The following RNF217 variants were observed in gnomAD, a reference collection of about 807,000 sequenced individuals.
The protein encoded by RNF217 is ring finger protein 217, also known as E3 ubiquitin-protein ligase RNF217.
Under a neutral mutation model 57.8 loss-of-function variants are expected in RNF217, and 31 were observed. That is an observed-to-expected ratio of 0.54 (90% confidence interval 0.40 to 0.72). The LOEUF (loss-of-function observed/expected upper bound fraction) is 0.72, where lower values mean the gene tolerates loss of function less well. Among genes scored for constraint, RNF217 ranks in the 30% least tolerant of loss-of-function variants. The probability of loss-of-function intolerance (pLI) is 0.00; values close to 1 mark genes in which losing one functional copy is unlikely to be tolerated. For synonymous variants in RNF217, 313 were observed against 294.0 expected (o/e 1.06, Z -0.66); for missense variants, 696 against 708.3 (o/e 0.98, Z 0.20).
chr6:125,052,281 G>GTT (rs937413188), intron 2 of RNF217, among the ~76,000 whole-genome samples: 3 of 119,434 alleles, frequency 2.5e-5, no homozygotes, highest in East Asian at 4.1e-4. Flanking sequence ...CTTGTCATGC[G>GTT]TTTTGTGTGT....
chr6:125,012,382 A>G (rs940940645), intron 1 of RNF217, among the ~76,000 whole-genome samples: 20 of 152,180 alleles, frequency 1.3e-4, no homozygotes, highest in African/African-American at 4.8e-4. Context: ...CTTTAAAGGT[A>G]CTCCGTCATG....
chr6:124,970,420 A>G (rs1005946470), intron 1 of RNF217, among the ~76,000 whole-genome samples: 2 of 152,142 alleles, frequency 1.3e-5, no homozygotes, highest in Non-Finnish European at 2.9e-5. Flanking sequence ...GGGATGAGAG[A>G]AAAAGAGTCA....
intron 1 of RNF217, among the ~76,000 whole-genome samples, chr6:124,991,380 A>C (rs1273606608): frequency 6.6e-6 from 1 of 152,096 alleles, no homozygotes; most frequent in African/African-American, 2.4e-5. Context: ...CTCAAATATC[A>C]ATTTCTCCTA....
At chr6:124,973,571 T>C (rs899283302) in intron 1 of RNF217, among the ~76,000 whole-genome samples, 1 of 152,032 alleles carries the variant, frequency 6.6e-6, no homozygotes, top group Non-Finnish European at 1.5e-5. Flanking sequence ...AATTATAATA[T>C]GTTTGCTATA....
At chr6:124,994,222 C>T (rs1004627171) in intron 1 of RNF217, among the ~76,000 whole-genome samples, 1 of 151,980 alleles carries the variant, frequency 6.6e-6, no homozygotes, top group African/African-American at 2.4e-5. Flanking sequence ...TAGTCTAACC[C>T]CATGTGCCTG....
rs756176528 is a variant in RNF217 at position 125,057,923 on chromosome 6, T to A, written c.1117-19T>A. ...TCAGTATATCCACTAGTAATTAATA[T>A]GATTTTTTTCTTACACAGATCCAGT... On this transcript the variant is annotated intron_variant, in intron 2 of 5. Transcript: ENST00000521654. 53 of 1,580,132 alleles carry A rather than the reference T, an allele frequency of 3.4e-5. No homozygotes were observed. The highest frequency in any genetic ancestry group is 4.3e-5 in the Non-Finnish European group (50 of 1,161,350).
chr6:125,051,891 C>T (rs185236487), intron 2 of RNF217, among the ~76,000 whole-genome samples: 59 of 152,008 alleles, frequency 3.9e-4, no homozygotes, highest in African/African-American at 1.4e-3. Context: ...TTTCCAGTAC[C>T]CTTTGTGTTC....
intron 2 of RNF217, among the ~76,000 whole-genome samples, chr6:125,053,660 C>G (rs1390157764): frequency 6.6e-6 from 1 of 152,024 alleles, no homozygotes; most frequent in African/African-American, 2.4e-5. Flanking sequence ...GATGAATTAT[C>G]AGGAGAAAAT....
chr6:125,068,869 A>AATC (rs1263402271), intron 3 of RNF217, among the ~76,000 whole-genome samples: 3 of 152,104 alleles, frequency 2.0e-5, no homozygotes, highest in Non-Finnish European at 4.4e-5. Flanking sequence ...AGGTGAAGGT[A>AATC]ATCATTGGGT....
intron 2 of RNF217, among the ~76,000 whole-genome samples, chr6:125,053,611 C>G (rs770951296): frequency 6.6e-6 from 1 of 151,748 alleles, no homozygotes; most frequent in African/African-American, 2.4e-5. Context: ...TAGTTTTAGA[C>G]ACTGTTTTTA....
At position 125,087,652 on chromosome 6, in the gene RNF217, T is replaced by C. The variant is rs9491307; in HGVS notation, c.*4715T>C. On this transcript the variant is annotated 3_prime_UTR_variant, in exon 6 of 6. Transcript: ENST00000521654. ...GCAAATATGTGTCATCTCTTTAAATTTGGGAGGAATCAGAAGCTAAAGATT... is the reference window on the plus strand; with the variant it reads ...GCAAATATGTGTCATCTCTTTAAATCTGGGAGGAATCAGAAGCTAAAGATT... 326 of 152,198 alleles carry C rather than the reference T, an allele frequency of 2.1e-3. No individual in the cohort carries two copies. The highest frequency in any genetic ancestry group is 7.3e-3 in the African/African-American group (302 of 41,540). 9.4% of individuals were successfully genotyped at this position (152,198 alleles called of 1,614,324 possible).
At chr6:125,071,200 A>T (rs1788120393) in intron 3 of RNF217, among the ~76,000 whole-genome samples, 1 of 152,032 alleles carries the variant, frequency 6.6e-6, no homozygotes, top group South Asian at 2.1e-4. Flanking sequence ...TTTTCTTACG[A>T]TTTTTCAACT....
In RNF217 at chr6:125,046,748, A is replaced by G. The variant is rs1787113304; in HGVS notation, c.1116+1304A>G. ...TTGAGGGGACCATGGTTTAGCAGGTAGTTTCCTCTGCTGTTGCAGTTATAA... is the reference window on the plus strand; with the variant it reads ...TTGAGGGGACCATGGTTTAGCAGGTGGTTTCCTCTGCTGTTGCAGTTATAA... On this transcript the variant is annotated intron_variant, in intron 2 of 5. Coordinates refer to ENST00000521654, the MANE Select transcript of RNF217 (RefSeq NM_001286398.3). The G allele has an allele frequency of 6.6e-6, 3 of 451,416 alleles. No individual in the cohort carries two copies. In the East Asian group the frequency reaches 2.1e-4, roughly 31 times the overall value. The allele number at this position is 451,416 out of a possible 1,614,324, so 28.0% of individuals were successfully genotyped here.
intron 4 of RNF217, among the ~76,000 whole-genome samples, chr6:125,078,969 G>A (rs1281433042): frequency 6.6e-6 from 1 of 152,150 alleles, no homozygotes; most frequent in Non-Finnish European, 1.5e-5. Flanking sequence ...ATGGAGTATA[G>A]GAAAGCCCTC....
intron 1 of RNF217, among the ~76,000 whole-genome samples, chr6:124,983,076 A>T (rs551463105): frequency 6.6e-6 from 1 of 152,204 alleles, no homozygotes; most frequent in East Asian, 1.9e-4. Flanking sequence ...TTCTTCTTCA[A>T]CGCTCCCCCC....
At position 124,988,685 on chromosome 6, in the gene RNF217, C is replaced by T. The variant is rs542418720; in HGVS notation, c.882+25259C>T. 2.6e-5 allele frequency among the ~76,000 whole-genome samples: 4 copies of T among 152,306 alleles called. No individual in the cohort carries two copies. In the East Asian group the frequency reaches 7.7e-4, roughly 29 times the overall value. ...TTAGCAGATTCTACTTGAGATTGTA[C>T]TGAATTTGTGTTTTCTCAATTTGTT... On this transcript the variant is annotated intron_variant, in intron 1 of 5. Transcript: ENST00000521654.
At chr6:125,025,592 G>A (rs1424538761) in intron 1 of RNF217, among the ~76,000 whole-genome samples, 1 of 138,712 alleles carries the variant, frequency 7.2e-6, no homozygotes, top group Non-Finnish European at 1.6e-5. Flanking sequence ...GGGAGGGAGG[G>A]AGGGATATTT....
intron 1 of RNF217, among the ~76,000 whole-genome samples, chr6:125,030,744 C>T (rs909396024): frequency 6.6e-6 from 1 of 152,120 alleles, no homozygotes; most frequent in Non-Finnish European, 1.5e-5. Context: ...CATTGAGTGT[C>T]TGCGGCTTTT....
intron 1 of RNF217, among the ~76,000 whole-genome samples, chr6:125,038,447 A>T (rs1002290613): frequency 3.3e-5 from 5 of 152,130 alleles, no homozygotes; most frequent in Admixed American, 3.3e-4. Flanking sequence ...AAATGACATG[A>T]TATCTGGTAT....
Sources: allele counts gnomAD v4.1 joint callset (sites outside exome capture counted in the v4.1 genomes callset), GRCh38; gene constraint gnomAD v4.1.1; transcripts MANE v1.5; gene names NCBI Gene and HGNC (gene_info 2026-07-23, HGNC 2026-07-21).